The following PLEKHA5 variants were observed in gnomAD, a reference collection of about 807,000 sequenced individuals.
The protein encoded by PLEKHA5 is pleckstrin homology domain-containing family A member 5.
A neutral mutation model predicts 181.9 loss-of-function variants in PLEKHA5; 55 were observed. The observed-to-expected ratio is 0.30, with a 90% CI of 0.24 to 0.38. PLEKHA5 has a LOEUF of 0.38. Among genes scored for constraint, PLEKHA5 ranks in the 10% least tolerant of loss-of-function variants. The pLI is 1.00. For missense variants in PLEKHA5, 1,432 were observed against 1,549.5 expected (o/e 0.92, Z 1.27); for synonymous variants, 535 against 529.4 (o/e 1.01, Z -0.15).
At chr12:19,262,327 G>A (rs1228797970) in intron 7 of PLEKHA5, among the ~76,000 whole-genome samples, 5 of 152,226 alleles carry the variant, frequency 3.3e-5, no homozygotes, top group South Asian at 4.2e-4. Context: ...TCCACCTCCC[G>A]GGTTCAAGTG....
intron 15 of PLEKHA5, among the ~76,000 whole-genome samples, chr12:19,302,906 ATTTTTTTTTTTTTTTTTTT>A (rs34702332): frequency 1.9e-5 from 1 of 53,966 alleles, no homozygotes; most frequent in Non-Finnish European, 3.2e-5. Context: ...TCTGTATGAA[ATTTTTTTTTTTTTTTTTTT>A]TTTTTTTTTT....
chr12:19,361,841 A>G, intron 29 of PLEKHA5, 135 bp downstream of exon 29: 1 of 733,294 alleles, frequency 1.4e-6, no homozygotes. Flanking sequence ...TGAGCAAGTT[A>G]TATAACCTCT....
intron 12 of PLEKHA5, among the ~76,000 whole-genome samples, chr12:19,284,286 C>T (rs959845600): frequency 1.3e-5 from 2 of 152,146 alleles, no homozygotes; most frequent in African/African-American, 4.8e-5. Flanking sequence ...CCAGGCTGGT[C>T]TTGAACTCCT....
intron 4 of PLEKHA5, among the ~76,000 whole-genome samples, chr12:19,254,652 CTG>C (rs761928999): frequency 4.2e-4 from 31 of 73,142 alleles, no homozygotes; most frequent in African/African-American, 6.3e-4. Context: ...GAAACCCTGA[CTG>C]TACTAAAAAA....
chr12:19,304,794 CAAAG>C, intron 15 of PLEKHA5, among the ~76,000 whole-genome samples: 1 of 151,520 alleles, frequency 6.6e-6, no homozygotes, highest in East Asian at 1.9e-4. Context: ...AGAACTACAC[CAAAG>C]AAAGAAGAAA....
intron 20 of PLEKHA5, among the ~76,000 whole-genome samples, chr12:19,330,311 A>G (rs1050731248): frequency 2.6e-5 from 4 of 152,246 alleles, no homozygotes; most frequent in Admixed American, 2.6e-4. Context: ...GTCATAAACT[A>G]GAAATTTAAA....
rs528980207 is a variant in PLEKHA5, at chr12:19,195,215, C to T, written c.228-58725C>T. On this transcript the variant is annotated intron_variant, in intron 3 of 31. Transcript: ENST00000429027. ...AGATCTCTCCATACCACACTGCTAG[C>T]ACATGTGCCTGTCATCTTATTCCTG... 3.9e-5 allele frequency among the ~76,000 whole-genome samples: 6 copies of T among 152,292 alleles called. No individual in the cohort carries two copies. In the South Asian group the frequency reaches 8.3e-4, roughly 21 times the overall value.
chr12:19,185,015 G>A (rs1446438225), intron 3 of PLEKHA5, among the ~76,000 whole-genome samples: 1 of 152,140 alleles, frequency 6.6e-6, no homozygotes, highest in Non-Finnish European at 1.5e-5. Flanking sequence ...TTTGATTAAG[G>A]TATCAGTTAC....
intron 21 of PLEKHA5, among the ~76,000 whole-genome samples, chr12:19,337,300 C>A (rs184627336): frequency 7.6e-4 from 115 of 152,024 alleles, no homozygotes; most frequent in African/African-American, 2.7e-3. Context: ...CGCCTATAGT[C>A]CCAGCACTTT....
At chr12:19,333,659 A>G (rs2093076054) in intron 20 of PLEKHA5, among the ~76,000 whole-genome samples, 1 of 138,500 alleles carries the variant, frequency 7.2e-6, no homozygotes, top group Admixed American at 7.8e-5. Context: ...CCCGAGCTGG[A>G]GTGCAGTGAC....
intron 20 of PLEKHA5, among the ~76,000 whole-genome samples, chr12:19,323,147 G>A (rs1416006044): frequency 6.6e-6 from 1 of 150,632 alleles, no homozygotes; most frequent in African/African-American, 2.4e-5. Flanking sequence ...ACAGGTGTAA[G>A]CCACCACACC....
Position 19,129,754 on chromosome 12 carries a change from C to CGCG in PLEKHA5, c.-40_-38dup. On this transcript the variant is annotated 5_prime_UTR_variant, in exon 1 of 32. Coordinates refer to ENST00000429027, the MANE Select transcript of PLEKHA5 (RefSeq NM_001256470.2). ...GCTCGTTCCCTCCTCCCTCGGCAGCCGCGGCGGCAGCAGGAGAAGGCGGCG... is the reference window on the plus strand; with the variant it reads ...GCTCGTTCCCTCCTCCCTCGGCAGCCGCGGCGGCGGCAGCAGGAGAAGGCGGCG... 6.8e-7 allele frequency: 1 copy of CGCG among 1,460,994 alleles called. No homozygotes were observed. The highest frequency in any genetic ancestry group is 9.5e-7 in the Non-Finnish European group (1 of 1,055,884). The allele number at this position is 1,460,994 out of a possible 1,614,324, so 90.5% of individuals were successfully genotyped here. A position where few individuals can be genotyped will look rare whatever the true frequency, so the allele number is the denominator to read the frequency against.
In PLEKHA5 at chr12:19,283,597, T is replaced by C. The variant is rs753473143; in HGVS notation, c.1631T>C (p.Met544Thr). The C allele has an allele frequency of 6.2e-7, 1 of 1,614,164 alleles. No homozygotes were observed. Among genetic ancestry groups the C allele is most frequent in the South Asian group, 1.1e-5 (1 of 91,084 alleles). ...ATGGTAAATATTTCTGACCAGACAATGCACTCTATTCCCACATCACCTTCC... is the reference window on the plus strand; with the variant it reads ...ATGGTAAATATTTCTGACCAGACAACGCACTCTATTCCCACATCACCTTCC... ...KTMVNISDQTMHSIPTSPSHG... is the reference protein window; with the variant it reads ...KTMVNISDQTTHSIPTSPSHG... Residue 544 changes from methionine (M) to threonine (T), a missense_variant, in exon 12 of 32, where the codon ATG becomes ACG. This residue lies in a region of PLEKHA5 where 1,143 missense variants were observed against 1,168.4 expected (regional missense o/e 0.98). Coordinates refer to ENST00000429027, the MANE Select transcript of PLEKHA5 (RefSeq NM_001256470.2).
chr12:19,269,508 C>CT (rs11285432), intron 8 of PLEKHA5, among the ~76,000 whole-genome samples: 62 of 143,528 alleles, frequency 4.3e-4, no homozygotes, highest in African/African-American at 1.4e-3. Flanking sequence ...TCCATGCACT[C>CT]TTTTTTTTTT....
At chr12:19,294,489 A>G (rs995072144) in intron 15 of PLEKHA5, among the ~76,000 whole-genome samples, 6 of 152,174 alleles carry the variant, frequency 3.9e-5, no homozygotes, top group African/African-American at 1.4e-4. Context: ...TTTATACTAT[A>G]TATCATAACA....
chr12:19,250,515 G>A (rs1335636631), intron 3 of PLEKHA5, among the ~76,000 whole-genome samples: 1 of 151,982 alleles, frequency 6.6e-6, no homozygotes, highest in Non-Finnish European at 1.5e-5. Context: ...CCTGGGAGGC[G>A]GAACTTGCAG....
chr12:19,262,404 T>G (rs2152632123), intron 7 of PLEKHA5, among the ~76,000 whole-genome samples: 1 of 152,098 alleles, frequency 6.6e-6, no homozygotes, highest in Non-Finnish European at 1.5e-5. Flanking sequence ...TGGCTAATTT[T>G]TTGTGTGTAT....
intron 16 of PLEKHA5, among the ~76,000 whole-genome samples, chr12:19,316,256 A>G (rs1436864955): frequency 1.3e-5 from 2 of 152,142 alleles, no homozygotes; most frequent in Admixed American, 1.3e-4. Flanking sequence ...CATATTTTAG[A>G]TGAGAATGGT....
intron 3 of PLEKHA5, among the ~76,000 whole-genome samples, chr12:19,139,427 C>G (rs1183996041): frequency 1.3e-5 from 2 of 152,136 alleles, no homozygotes; most frequent in Non-Finnish European, 2.9e-5. Flanking sequence ...AACCCACTCC[C>G]CTATCCTATC....
Sources: gnomAD v4.1 joint callset for allele counts (sites outside exome capture counted in the v4.1 genomes callset) on GRCh38, gnomAD v4.1.1 for gene constraint, gnomAD v4.1.1 regional missense constraint, MANE v1.5 for transcripts, NCBI Gene and HGNC (gene_info 2026-07-23, HGNC 2026-07-21) for gene names.